The following NEGR1 variants were observed in gnomAD, a reference collection of about 807,000 sequenced individuals.
The protein encoded by NEGR1 is neuronal growth regulator 1.
NEGR1 carries 10 observed loss-of-function variants against 40.9 expected under a neutral mutation model. The ratio of observed to expected loss-of-function variants is 0.24; its 90% CI spans 0.15 to 0.42. The LOEUF is 0.42. NEGR1 is among the 10% of genes least tolerant of loss of function. The probability of loss-of-function intolerance (pLI) is 1.00; values close to 1 mark genes in which losing one functional copy is unlikely to be tolerated. For synonymous variants in NEGR1, 185 were observed against 166.8 expected (o/e 1.11, Z -0.84); for missense variants, 352 against 438.9 (o/e 0.80, Z 1.77).
rs199884818 is a variant in NEGR1 at position 71,928,138 on chromosome 1, A to G, written c.409+6941T>C. Among the ~76,000 whole-genome samples the G allele has an allele frequency of 3.0e-4, 25 of 83,158 alleles. 2 individuals carry two copies. Among genetic ancestry groups the G allele is most frequent in the African/African-American group, 6.7e-4 (11 of 16,422 alleles). The allele number at this position is 83,158 out of a possible 152,430, so 54.6% of individuals were successfully genotyped here. ...CATATGTATATATACACACATATGT[A>G]TATATACACACATATGTATATACGT... is the stretch of plus-strand genomic sequence containing the variant. On this transcript the variant is annotated intron_variant, in intron 2 of 6. Coordinates refer to ENST00000357731, the MANE Select transcript of NEGR1 (RefSeq NM_173808.3).
At chr1:71,980,502 T>C (rs1249601699) in intron 1 of NEGR1, among the ~76,000 whole-genome samples, 1 of 152,146 alleles carries the variant, frequency 6.6e-6, no homozygotes, top group African/African-American at 2.4e-5. Context: ...TATGACTCTA[T>C]ACGTTTTACA....
intron 1 of NEGR1, among the ~76,000 whole-genome samples, chr1:72,056,975 A>G (rs1325162843): frequency 1.3e-5 from 2 of 151,506 alleles, no homozygotes; most frequent in Non-Finnish European, 3.0e-5. Context: ...ACTTTCCTGC[A>G]CTGATGCAAA....
chr1:71,813,956 T>C (rs1453087924), intron 2 of NEGR1, among the ~76,000 whole-genome samples: 1 of 152,106 alleles, frequency 6.6e-6, no homozygotes, highest in Non-Finnish European at 1.5e-5. Flanking sequence ...TTGCCAGAAC[T>C]TCCAATACTA....
chr1:72,037,072 G>A (rs1477148894), intron 1 of NEGR1, among the ~76,000 whole-genome samples: 2 of 151,988 alleles, frequency 1.3e-5, no homozygotes, highest in African/African-American at 4.8e-5. Flanking sequence ...TTACCTATGA[G>A]AACATCCTAT....
intron 2 of NEGR1, among the ~76,000 whole-genome samples, chr1:71,799,138 G>A (rs1030898178): frequency 6.6e-6 from 1 of 151,486 alleles, no homozygotes; most frequent in African/African-American, 2.4e-5. Flanking sequence ...GTGGTTTGCT[G>A]CACCCATCAA....
chr1:71,526,406 C>A (rs1238636918), intron 6 of NEGR1, among the ~76,000 whole-genome samples: 2 of 151,500 alleles, frequency 1.3e-5, no homozygotes, highest in Non-Finnish European at 3.0e-5. Context: ...GCACAGTATA[C>A]ACAGTAATAG....
At chr1:72,156,980 T>G (rs771736415) in intron 1 of NEGR1, among the ~76,000 whole-genome samples, 2 of 152,102 alleles carry the variant, frequency 1.3e-5, no homozygotes, top group East Asian at 3.9e-4. Flanking sequence ...TTTGTGTGTT[T>G]TTGAGACAGT....
intron 1 of NEGR1, among the ~76,000 whole-genome samples, chr1:72,095,409 C>A (rs184556521): frequency 9.9e-5 from 15 of 151,990 alleles, no homozygotes; most frequent in Non-Finnish European, 1.8e-4. Context: ...GAGTATAATT[C>A]TTTAATTATA....
At chr1:72,120,499 T>C (rs560306681) in intron 1 of NEGR1, among the ~76,000 whole-genome samples, 3 of 142,166 alleles carry the variant, frequency 2.1e-5, no homozygotes, top group African/African-American at 7.3e-5. Flanking sequence ...ATTTAACACT[T>C]CTTTTTTTTT....
chr1:71,651,207 T>C (rs1014695757), intron 4 of NEGR1, among the ~76,000 whole-genome samples: 33 of 152,256 alleles, frequency 2.2e-4, no homozygotes, highest in African/African-American at 7.5e-4. Context: ...GACCTATATA[T>C]GGGGGATTAT....
chr1:71,636,261 G>A (rs1172818342), intron 4 of NEGR1, among the ~76,000 whole-genome samples: 1 of 152,034 alleles, frequency 6.6e-6, no homozygotes, highest in Non-Finnish European at 1.5e-5. Flanking sequence ...GAGATGTGAA[G>A]AAAATCATTT....
At chr1:71,970,200 G>A (rs1646243708) in intron 1 of NEGR1, among the ~76,000 whole-genome samples, 1 of 152,266 alleles carries the variant, frequency 6.6e-6, no homozygotes, top group Non-Finnish European at 1.5e-5. Context: ...ATAGGAGAAA[G>A]CTTGGAGGCC....
intron 1 of NEGR1, among the ~76,000 whole-genome samples, chr1:72,266,291 TAATA>T (rs1255962524): frequency 1.3e-5 from 2 of 150,940 alleles, no homozygotes; most frequent in East Asian, 3.9e-4. Flanking sequence ...TTTAATAACT[TAATA>T]AATTAAAAAT....
intron 4 of NEGR1, among the ~76,000 whole-genome samples, chr1:71,690,599 C>CAT (rs71070896): frequency 2.9e-3 from 303 of 102,976 alleles, no homozygotes; most frequent in Non-Finnish European, 4.6e-3. Context: ...CACACACACA[C>CAT]ATATATATAT....
Position 71,407,577 on chromosome 1 carries a change from A to G in NEGR1, c.941-7T>C, listed in dbSNP as rs1646286038. 6.2e-7 allele frequency: 1 copy of G among 1,611,100 alleles called. No homozygotes were observed. Among genetic ancestry groups the G allele is most frequent in the Non-Finnish European group, 8.5e-7 (1 of 1,178,098 alleles). ...TACTGGGCTGTACTTGGAGCTGGAAAGAAATGGAAAAGATTAAATCAAAAT... is the reference window on the plus strand; with the variant it reads ...TACTGGGCTGTACTTGGAGCTGGAAGGAAATGGAAAAGATTAAATCAAAAT... On this transcript the variant is annotated splice_polypyrimidine_tract_variant and splice_region_variant and intron_variant, in intron 6 of 6. Transcript: ENST00000357731.
Position 72,241,896 on chromosome 1 carries a change from T to C in NEGR1, c.176+40423A>G, listed in dbSNP as rs549297718. On this transcript the variant is annotated intron_variant, in intron 1 of 6. Transcript: ENST00000357731. The stretch of plus-strand genomic sequence containing the variant: ...AATGAATAGCCAGTATAATAACTTC[T>C]AAACCTGCAAGATAAGTCTATCTAG... 2.0e-5 allele frequency among the ~76,000 whole-genome samples: 3 copies of C among 151,866 alleles called. No individual in the cohort carries two copies. The South Asian group carries it at 6.2e-4, about 31-fold the overall frequency.
intron 1 of NEGR1, among the ~76,000 whole-genome samples, chr1:71,982,371 TCTAA>T (rs35519416): frequency 0.18 from 27,036 of 151,944 alleles, 3,131 homozygotes; most frequent in African/African-American, 0.34. Flanking sequence ...CTCTCTTTGG[TCTAA>T]CTATCATTTG....
At chr1:71,667,155 T>C (rs1246277660) in intron 4 of NEGR1, among the ~76,000 whole-genome samples, 2 of 152,180 alleles carry the variant, frequency 1.3e-5, no homozygotes, top group African/African-American at 4.8e-5. Flanking sequence ...AACAGAATTT[T>C]AGCAAATGCA....
In NEGR1 at chr1:71,739,752, C is replaced by T. The variant is rs377676653; in HGVS notation, c.535+36420G>A. On this transcript the variant is annotated intron_variant, in intron 3 of 6. Coordinates refer to ENST00000357731, the MANE Select transcript of NEGR1 (RefSeq NM_173808.3). ...TAAAACAAACAGCTAAAAATCACTG[C>T]CTTCATGAAGTCTGTAGAATTTTTT... Among the ~76,000 whole-genome samples, 4 of 152,258 alleles carry T rather than the reference C, an allele frequency of 2.6e-5. No individual in the cohort carries two copies. The East Asian group carries it at 5.8e-4, about 22-fold the overall frequency.
Sources: allele counts gnomAD v4.1 joint callset (sites outside exome capture counted in the v4.1 genomes callset), GRCh38; gene constraint gnomAD v4.1.1; transcripts MANE v1.5; gene names NCBI Gene and HGNC (gene_info 2026-07-23, HGNC 2026-07-21).